Variants in PXDNL observed in about 807,000 individuals in gnomAD.
PXDNL encodes probable oxidoreductase PXDNL.
A neutral mutation model predicts 150.8 loss-of-function variants in PXDNL; 145 were observed. That is an observed-to-expected ratio of 0.96 (90% CI 0.84 to 1.10). The LOEUF is 1.10. Among genes scored for constraint, PXDNL ranks in the 50% least tolerant of loss-of-function variants. PXDNL has a pLI of 0.00. For missense variants in PXDNL, 2,087 were observed against 1,873.9 expected (o/e 1.11, Z -2.10); for synonymous variants, 757 against 725.7 (o/e 1.04, Z -0.69).
chr8:51,386,166 C>T (rs932324418), intron 17 of PXDNL, among the ~76,000 whole-genome samples: 3 of 151,950 alleles, frequency 2.0e-5, no homozygotes, highest in African/African-American at 7.2e-5. Context: ...GATCTCAGCT[C>T]ACCACAACCT....
At chr8:51,487,256 CAA>C (rs1206903990) in intron 5 of PXDNL, among the ~76,000 whole-genome samples, 3 of 151,962 alleles carry the variant, frequency 2.0e-5, no homozygotes, top group Non-Finnish European at 4.4e-5. Flanking sequence ...CTAAAAAAGT[CAA>C]GTCATGAATG....
chr8:51,791,125 G>A (rs1365901577), intron 1 of PXDNL, among the ~76,000 whole-genome samples: 4 of 152,196 alleles, frequency 2.6e-5, no homozygotes, highest in Non-Finnish European at 4.4e-5. Flanking sequence ...CATAAACTGT[G>A]AAGGGAAAAT....
intron 21 of PXDNL, among the ~76,000 whole-genome samples, chr8:51,327,883 G>A (rs1805564458): frequency 6.6e-6 from 1 of 151,874 alleles, no homozygotes; most frequent in Non-Finnish European, 1.5e-5. Flanking sequence ...TGAAGAGACA[G>A]GAGGATAACA....
chr8:51,565,147 T>C (rs1184301510), intron 3 of PXDNL, among the ~76,000 whole-genome samples: 2 of 151,814 alleles, frequency 1.3e-5, no homozygotes, highest in East Asian at 3.9e-4. Flanking sequence ...GCGGACATGA[T>C]GCAAGGGTAA....
intron 1 of PXDNL, among the ~76,000 whole-genome samples, chr8:51,696,693 CCA>C (rs1816138876): frequency 1.8e-5 from 2 of 109,306 alleles, no homozygotes; most frequent in African/African-American, 6.6e-5. Context: ...ACACACAGGT[CCA>C]CACACATCCA....
chr8:51,527,431 G>T (rs1282053921), intron 4 of PXDNL, among the ~76,000 whole-genome samples: 14 of 152,118 alleles, frequency 9.2e-5, no homozygotes. Context: ...CCTCATTGTA[G>T]ACCTCCACCA....
At chr8:51,739,437 T>C (rs1415190401) in intron 1 of PXDNL, among the ~76,000 whole-genome samples, 1 of 151,134 alleles carries the variant, frequency 6.6e-6, no homozygotes, top group African/African-American at 2.4e-5. Flanking sequence ...GAAAAAGAAA[T>C]AATAGGCATA....
At chr8:51,650,613 C>G (rs774824487) in intron 2 of PXDNL, among the ~76,000 whole-genome samples, 19 of 152,130 alleles carry the variant, frequency 1.2e-4, no homozygotes, top group Non-Finnish European at 2.4e-4. Flanking sequence ...AGAACTACCT[C>G]TAGGATCAGA....
intron 1 of PXDNL, among the ~76,000 whole-genome samples, chr8:51,760,959 C>G (rs1349343160): frequency 6.9e-6 from 1 of 145,088 alleles, no homozygotes; most frequent in Admixed American, 7.0e-5. Flanking sequence ...CCCGGGTTCA[C>G]GCCATTCTCC....
At chr8:51,488,299 A>G (rs1047018605) in intron 5 of PXDNL, among the ~76,000 whole-genome samples, 8 of 152,202 alleles carry the variant, frequency 5.3e-5, no homozygotes, top group African/African-American at 1.9e-4. Context: ...CAGCCCAGAG[A>G]ATCCTATGAG....
rs868119182 is a variant in PXDNL, at chr8:51,590,717, G to T, written c.308+1910C>A. On this transcript the variant is annotated intron_variant, in intron 3 of 22. Transcript: ENST00000356297. ...GCAACATTGTCGTATTTTGGAAGTA[G>T]ATATCTTGTTTTTTTTTATTTCACA... 2.1e-4 allele frequency among the ~76,000 whole-genome samples: 31 copies of T among 147,724 alleles called. No homozygotes were observed. The Middle Eastern group carries it at 0.01, about 50-fold the overall frequency.
At chr8:51,375,585 C>A (rs1807277001) in intron 17 of PXDNL, among the ~76,000 whole-genome samples, 1 of 152,174 alleles carries the variant, frequency 6.6e-6, no homozygotes, top group Non-Finnish European at 1.5e-5. Flanking sequence ...CTTGGCGATG[C>A]AATTGTGTGG....
chr8:51,326,102 GC>G (rs1805476288), intron 21 of PXDNL, among the ~76,000 whole-genome samples: 1 of 152,138 alleles, frequency 6.6e-6, no homozygotes, highest in Non-Finnish European at 1.5e-5. Context: ...TGTTCCTGGA[GC>G]CCAAGGTCCC....
At chr8:51,654,786 G>A (rs755950256) in intron 1 of PXDNL, 26 bp from the exon 2 acceptor site, 111 of 1,566,102 alleles carry the variant, frequency 7.1e-5, no homozygotes, top group Middle Eastern at 1.7e-4. Context: ...GGTGAAGAAC[G>A]ATTATAATAT....
intron 4 of PXDNL, among the ~76,000 whole-genome samples, chr8:51,539,519 T>C (rs1183315752): frequency 6.6e-6 from 1 of 152,140 alleles, no homozygotes; most frequent in Non-Finnish European, 1.5e-5. Flanking sequence ...TTGTACAGAA[T>C]TGAATTTGTT....
At chr8:51,804,443 C>T (rs1365362303) in intron 1 of PXDNL, among the ~76,000 whole-genome samples, 3 of 151,940 alleles carry the variant, frequency 2.0e-5, no homozygotes, top group Non-Finnish European at 2.9e-5. Context: ...AATTTTTTTT[C>T]TCCTCTTTTT....
At chr8:51,723,449 A>G (rs766132061) in intron 1 of PXDNL, among the ~76,000 whole-genome samples, 1 of 152,246 alleles carries the variant, frequency 6.6e-6, no homozygotes, top group Admixed American at 6.5e-5. Context: ...GACACTAGAC[A>G]GGCAGTCCTG....
At chr8:51,556,309 T>C (rs1355291019) in intron 4 of PXDNL, among the ~76,000 whole-genome samples, 4 of 152,048 alleles carry the variant, frequency 2.6e-5, no homozygotes, top group Non-Finnish European at 5.9e-5. Context: ...AGACTCATAA[T>C]TTGGGGCAAA....
intron 4 of PXDNL, among the ~76,000 whole-genome samples, chr8:51,513,541 A>G (rs1041781451): frequency 6.6e-6 from 1 of 152,244 alleles, no homozygotes; most frequent in Non-Finnish European, 1.5e-5. Context: ...AAACTTTTAA[A>G]TAAGAAAGAG....
Sources: gnomAD v4.1 joint callset for allele counts (sites outside exome capture counted in the v4.1 genomes callset) on GRCh38, gnomAD v4.1.1 for gene constraint, MANE v1.5 for transcripts, NCBI Gene and HGNC (gene_info 2026-07-23, HGNC 2026-07-21) for gene names.